TANK: variants seen among roughly 807,000 people sequenced by gnomAD.
TANK encodes the protein TRAF family member-associated NF-kappa-B activator.
TANK carries 15 observed loss-of-function variants against 43.6 expected under a neutral mutation model. The observed-to-expected ratio is 0.34, with a 90% CI of 0.23 to 0.53. The LOEUF (loss-of-function observed/expected upper bound fraction) is 0.53, where lower values mean the gene tolerates loss of function less well. TANK is among the 20% of genes least tolerant of loss of function. TANK has a pLI of 0.94. For synonymous variants in TANK, 162 were observed against 178.2 expected (o/e 0.91, Z 0.73); for missense variants, 417 against 498.6 (o/e 0.84, Z 1.56).
At chr2:161,141,232 C>G (rs568317419) in intron 1 of TANK, among the ~76,000 whole-genome samples, 1 of 152,140 alleles carries the variant, frequency 6.6e-6, no homozygotes, top group Non-Finnish European at 1.5e-5. Context: ...TCTGACTCCC[C>G]TCAGCCCCTG....
chr2:161,228,808 G>A (rs138601722), intron 6 of TANK, among the ~76,000 whole-genome samples: 6 of 152,130 alleles, frequency 3.9e-5, no homozygotes, highest in Non-Finnish European at 8.8e-5. Flanking sequence ...TATTTTTACT[G>A]TACCTTTTCA....
At chr2:161,137,373 T>G (rs1158647772) in intron 1 of TANK, 1 of 313,736 alleles carries the variant, frequency 3.2e-6, no homozygotes, top group Admixed American at 6.5e-5. Flanking sequence ...AATAAATAAA[T>G]AAGTAAATAA....
At chr2:161,139,830 G>C (rs1173279326) in intron 1 of TANK, 11 of 985,278 alleles carry the variant, frequency 1.1e-5, no homozygotes, top group African/African-American at 5.2e-5. Flanking sequence ...CCTACGCTTT[G>C]TGCAAAAAGC....
chr2:161,154,006 A>C (rs936951033), intron 1 of TANK, among the ~76,000 whole-genome samples: 1 of 152,068 alleles, frequency 6.6e-6, no homozygotes, highest in African/African-American at 2.4e-5. Flanking sequence ...ATAACCTAGG[A>C]CTCTGCCTAG....
chr2:161,141,558 C>T (rs554347180), intron 1 of TANK, among the ~76,000 whole-genome samples: 10 of 152,178 alleles, frequency 6.6e-5, no homozygotes, highest in South Asian at 2.1e-4. Context: ...GTTCAACTCA[C>T]ACTTATGAGT....
chr2:161,185,344 A>G (rs1224003935), intron 2 of TANK, among the ~76,000 whole-genome samples: 2 of 152,086 alleles, frequency 1.3e-5, no homozygotes. Context: ...GAAGGCAGTT[A>G]AGTTGAGTGG....
At chr2:161,191,124 G>A (rs771415443) in intron 2 of TANK, among the ~76,000 whole-genome samples, 2 of 152,150 alleles carry the variant, frequency 1.3e-5, no homozygotes, top group Non-Finnish European at 2.9e-5. Context: ...TTGAGACTCA[G>A]AAGTTTTTCT....
chr2:161,232,810 G>A, intron 7 of TANK: 1 of 1,550,606 alleles, frequency 6.4e-7, no homozygotes, highest in Non-Finnish European at 8.7e-7. Context: ...GAAACAGCTG[G>A]TATGTGATTA....
At chr2:161,207,078 A>C (rs1484956981) in intron 4 of TANK, among the ~76,000 whole-genome samples, 1 of 152,088 alleles carries the variant, frequency 6.6e-6, no homozygotes, top group Non-Finnish European at 1.5e-5. Context: ...ATTTTCAGTC[A>C]ATAAGTATCA....
intron 1 of TANK, among the ~76,000 whole-genome samples, chr2:161,165,365 A>G (rs1684630519): frequency 6.6e-6 from 1 of 152,170 alleles, no homozygotes. Context: ...AATTGCTTGA[A>G]GAAGGATTTT....
chr2:161,214,870 G>A (rs748521360), intron 4 of TANK, among the ~76,000 whole-genome samples: 9 of 152,104 alleles, frequency 5.9e-5, no homozygotes, highest in Non-Finnish European at 1.0e-4. Flanking sequence ...CTGCCTAGGA[G>A]GTAACACAGA....
Position 161,179,436 on chromosome 2 carries a change from A to G in TANK, c.-49-178A>G, listed in dbSNP as rs1307360884. On this transcript the variant is annotated intron_variant, in intron 1 of 7. Coordinates refer to ENST00000392749, the MANE Select transcript of TANK (RefSeq NM_001199135.3). ...AACATTAGAATAAGAATATTTTAAA[A>G]TTGTGGAACTTAAGGTTTCATACAA... is the stretch of plus-strand genomic sequence containing the variant. 31 of 475,224 alleles carry G rather than the reference A, an allele frequency of 6.5e-5. No homozygotes were observed. In the East Asian group the frequency reaches 1.0e-3, roughly 16 times the overall value. 29.4% of individuals were successfully genotyped at this position (475,224 alleles called of 1,614,324 possible).
intron 2 of TANK, among the ~76,000 whole-genome samples, chr2:161,200,797 T>TG (rs1686371878): frequency 1.3e-5 from 2 of 151,814 alleles, no homozygotes; most frequent in Non-Finnish European, 2.9e-5. Flanking sequence ...TATTTCTTTT[T>TG]TTTTTTTTAA....
At chr2:161,214,607 C>T (rs1207563925) in intron 4 of TANK, among the ~76,000 whole-genome samples, 1 of 151,294 alleles carries the variant, frequency 6.6e-6, no homozygotes, top group African/African-American at 2.4e-5. Context: ...CAGTTTTATT[C>T]ATTGTTTTTG....
At chr2:161,149,193 A>G (rs1280358196) in intron 1 of TANK, among the ~76,000 whole-genome samples, 2 of 152,178 alleles carry the variant, frequency 1.3e-5, no homozygotes, top group Non-Finnish European at 2.9e-5. Context: ...TTTTCAGTCT[A>G]TAACTATTTT....
chr2:161,186,791 G>A (rs1276960752), intron 2 of TANK, among the ~76,000 whole-genome samples: 1 of 152,134 alleles, frequency 6.6e-6, no homozygotes, highest in Non-Finnish European at 1.5e-5. Context: ...GGATTAATAA[G>A]CAGACTGTAT....
At chr2:161,156,390 T>C, upstream of TANK, 1 of 982,642 alleles carries the variant, frequency 1.0e-6, no homozygotes, top group Non-Finnish European at 1.2e-6. Context: ...TTGTCTCTAG[T>C]TCCCTCCTTA....
At chr2:161,213,890 A>G (rs767707026) in intron 4 of TANK, among the ~76,000 whole-genome samples, 43 of 152,210 alleles carry the variant, frequency 2.8e-4, no homozygotes, top group African/African-American at 2.4e-5. Context: ...CTTTTCTGCT[A>G]CATTAAAAGC....
At position 161,160,478 on chromosome 2, in the gene TANK, G is replaced by A; in HGVS notation, c.-58G>A. On this transcript the variant is annotated 5_prime_UTR_variant, in exon 1 of 8. It adds an upstream start codon to the 5' untranslated region. Transcript: ENST00000392749. ...GGGGAGAGGGAACGCAGCTGAAAGC[G>A]TGAACTGTGTGAGTAAGAAACTTTG... is the stretch of plus-strand genomic sequence containing the variant. The A allele has an allele frequency of 8.0e-7, 1 of 1,243,990 alleles. No homozygotes were observed. The allele number at this position is 1,243,990 out of a possible 1,614,324, so 77.1% of individuals were successfully genotyped here.
Sources: allele counts gnomAD v4.1 joint callset (sites outside exome capture counted in the v4.1 genomes callset), GRCh38; gene constraint gnomAD v4.1.1; transcripts MANE v1.5; gene names NCBI Gene and HGNC (gene_info 2026-07-23, HGNC 2026-07-21).